MMP26: variants seen among roughly 807,000 people sequenced by gnomAD.
MMP26 encodes the protein matrix metallopeptidase 26.
MMP26 carries 33 observed loss-of-function variants against 31.0 expected under a neutral mutation model. The ratio of observed to expected loss-of-function variants is 1.06; its 90% CI spans 0.81 to 1.42. The LOEUF (loss-of-function observed/expected upper bound fraction) is 1.42. MMP26 is among the 40% of genes most tolerant of loss of function. MMP26 has a pLI of 0.00. For synonymous variants in MMP26, 122 were observed against 114.9 expected (o/e 1.06, Z -0.40); for missense variants, 347 against 316.1 (o/e 1.10, Z -0.74).
intron 2 of MMP26, among the ~76,000 whole-genome samples, chr11:4,800,299 G>C (rs1485656088): frequency 6.6e-6 from 1 of 152,236 alleles, no homozygotes; most frequent in African/African-American, 2.4e-5. Flanking sequence ...CTTTCTGTGT[G>C]CCTGCAGACT....
At chr11:4,769,418 G>C (rs781353738) in intron 2 of MMP26, 1 of 1,613,754 alleles carries the variant, frequency 6.2e-7, no homozygotes, top group Non-Finnish European at 8.5e-7. Flanking sequence ...GAAATAGAGA[G>C]GCTTAAGGAG....
intron 1 of MMP26, among the ~76,000 whole-genome samples, chr11:4,734,172 T>C (rs1848207912): frequency 6.6e-6 from 1 of 152,182 alleles, no homozygotes. Flanking sequence ...TAAAATGGCT[T>C]CATAAAATGA....
chr11:4,901,573 T>C (rs1289902498), intron 2 of MMP26, among the ~76,000 whole-genome samples: 1 of 151,984 alleles, frequency 6.6e-6, no homozygotes, highest in African/African-American at 2.4e-5. Flanking sequence ...ATATGCTGCC[T>C]CCGGGGTTTC....
rs146006146 is a variant in MMP26, at chr11:4,923,525, C to T, written c.-144-64543C>T. The T allele has an allele frequency of 3.9e-4, 636 of 1,614,030 alleles. 4 individuals carry two copies. In the East Asian group the frequency reaches 0.011, roughly 29 times the overall value. The stretch of plus-strand genomic sequence containing the variant: ...ATAGGACATGAAGAGGTGTACAACG[C>T]GGGGCAGATGTTCACCAAAGCGATG... On this transcript the variant is annotated intron_variant, in intron 2 of 7. Transcript: ENST00000380390.
At chr11:4,834,712 G>A (rs997011658) in intron 2 of MMP26, among the ~76,000 whole-genome samples, 4 of 151,914 alleles carry the variant, frequency 2.6e-5, no homozygotes, top group African/African-American at 9.7e-5. Context: ...CTGGCTGTGT[G>A]GTATTGAGAA....
At chr11:4,733,541 A>G (rs574642346) in intron 1 of MMP26, among the ~76,000 whole-genome samples, 1 of 152,184 alleles carries the variant, frequency 6.6e-6, no homozygotes, top group African/African-American at 2.4e-5. Flanking sequence ...ACTTGTCTGA[A>G]CCCATTTATT....
rs138125450 is a variant in MMP26 at position 4,877,802 on chromosome 11, T to C, written c.-144-110266T>C. The stretch of plus-strand genomic sequence containing the variant: ...TGGGTAGTGATATGAAATTGCATAA[T>C]GGTTTTCATGAGAGCAATAATTTAT... On this transcript the variant is annotated intron_variant, in intron 2 of 7. Coordinates refer to ENST00000380390, the MANE Select transcript of MMP26 (RefSeq NM_021801.5). 1.6e-3 allele frequency: 246 copies of C among 152,308 alleles called. 2 individuals carry two copies. Among genetic ancestry groups the C allele is most frequent in the African/African-American group, 5.7e-3 (239 of 41,576 alleles). 9.4% of individuals were successfully genotyped at this position (152,308 alleles called of 1,614,324 possible).
At chr11:4,850,776 A>C (rs145685864) in intron 2 of MMP26, among the ~76,000 whole-genome samples, 1,509 of 145,018 alleles carry the variant, frequency 0.01, 28 homozygotes, top group African/African-American at 0.035. Context: ...TGCAACAAAA[A>C]CCTTAATCCC....
chr11:4,905,101 A>G (rs1850863545), intron 2 of MMP26, among the ~76,000 whole-genome samples: 1 of 152,188 alleles, frequency 6.6e-6, no homozygotes, highest in Non-Finnish European at 1.5e-5. Flanking sequence ...AGTTAAGTGC[A>G]TTCAGAGGTG....
At chr11:4,919,463 G>T (rs1347747338) in intron 2 of MMP26, 1 of 152,162 alleles carries the variant, frequency 6.6e-6, no homozygotes, top group African/African-American at 2.4e-5. Flanking sequence ...AGCAGGCCTG[G>T]CTCCCTGGAC....
intron 2 of MMP26, among the ~76,000 whole-genome samples, chr11:4,783,249 A>G (rs1158421258): frequency 6.6e-6 from 1 of 152,224 alleles, no homozygotes; most frequent in East Asian, 1.9e-4. Flanking sequence ...CATGCCCAAG[A>G]TCATGGGAAC....
At position 4,930,330 on chromosome 11, in the gene MMP26, A is replaced by G. The variant is rs577210809; in HGVS notation, c.-144-57738A>G. Among the ~76,000 whole-genome samples, 23 of 152,178 alleles carry G rather than the reference A, an allele frequency of 1.5e-4. No individual in the cohort carries two copies. In the South Asian group the frequency reaches 4.4e-3, roughly 29 times the overall value. On this transcript the variant is annotated intron_variant, in intron 2 of 7. Transcript: ENST00000380390. ...TAGCTATAAAGAGTGTGGGTAGCTG[A>G]CGAATGCTTCAAGGTATACCTTGGA...
At chr11:4,803,163 C>T (rs1262467078) in intron 2 of MMP26, among the ~76,000 whole-genome samples, 1 of 152,080 alleles carries the variant, frequency 6.6e-6, no homozygotes, top group Non-Finnish European at 1.5e-5. Flanking sequence ...TTAAAATATT[C>T]ACTGATTTAA....
intron 2 of MMP26, chr11:4,955,771 C>T (rs542197274): frequency 2.7e-5 from 40 of 1,505,126 alleles, no homozygotes; most frequent in South Asian, 1.4e-4. Flanking sequence ...TCAGGTGATC[C>T]GCTTGCTTGT....
intron 2 of MMP26, among the ~76,000 whole-genome samples, chr11:4,846,090 G>A (rs568784348): frequency 1.1e-4 from 17 of 152,248 alleles, no homozygotes; most frequent in African/African-American, 3.4e-4. Flanking sequence ...TATTAAAGAC[G>A]TATCTGCACT....
At chr11:4,766,729 C>A (rs1366008377) in intron 1 of MMP26, among the ~76,000 whole-genome samples, 1 of 144,890 alleles carries the variant, frequency 6.9e-6, no homozygotes. Context: ...TCCTTCCTTC[C>A]TTTTTTCATC....
At chr11:4,850,539 A>T (rs1849960448) in intron 2 of MMP26, among the ~76,000 whole-genome samples, 1 of 152,136 alleles carries the variant, frequency 6.6e-6, no homozygotes, top group East Asian at 1.9e-4. Context: ...TCCCTGCCCA[A>T]ATGCCCAGAA....
intron 2 of MMP26, among the ~76,000 whole-genome samples, chr11:4,779,201 C>G (rs1354154108): frequency 6.6e-6 from 1 of 151,998 alleles, no homozygotes; most frequent in African/African-American, 2.4e-5. Flanking sequence ...ATAGGGAATA[C>G]TTAAACATTT....
intron 2 of MMP26, chr11:4,876,802 C>T (rs1248927705): frequency 1.3e-5 from 2 of 152,816 alleles, no homozygotes; most frequent in Middle Eastern, 3.1e-3. Context: ...TCCATGCCTA[C>T]CATGGTCAGT....
Sources: allele counts gnomAD v4.1 joint callset (sites outside exome capture counted in the v4.1 genomes callset), GRCh38; gene constraint gnomAD v4.1.1; transcripts MANE v1.5; gene names NCBI Gene and HGNC (gene_info 2026-07-23, HGNC 2026-07-21).